NSMCE4A: variants seen among roughly 807,000 people sequenced by gnomAD.
NSMCE4A encodes the protein non-structural maintenance of chromosomes element 4 homolog A.
A neutral mutation model predicts 47.9 loss-of-function variants in NSMCE4A; 40 were observed. The ratio of observed to expected loss-of-function variants is 0.83; its 90% confidence interval spans 0.65 to 1.09. The LOEUF is 1.09. NSMCE4A is among the 50% of genes least tolerant of loss of function. The pLI, the probability that NSMCE4A is intolerant of heterozygous loss-of-function variation, is 0.00. For synonymous variants in NSMCE4A, 166 were observed against 178.5 expected, an observed-to-expected ratio of 0.93 and a Z score of 0.56; for missense variants, 500 against 507.0, an observed-to-expected ratio of 0.99 and a Z score of 0.13.
rs368307657 is a variant in NSMCE4A at position 121,975,205 on chromosome 10, C to A, written c.-40G>T. 70 of 1,348,656 alleles carry A rather than the reference C, an allele frequency of 5.2e-5. 1 individual carries two copies. In the East Asian group the frequency reaches 1.8e-3, roughly 35 times the overall value. The allele number at this position is 1,348,656 out of a possible 1,614,324, so 83.5% of individuals were successfully genotyped here. ...GTGCAACTTCGGAACGGCGGAAGTTCGCGCCAGAAACTGAAACCCCTGCTC... is the reference window on the plus strand; with the variant it reads ...GTGCAACTTCGGAACGGCGGAAGTTAGCGCCAGAAACTGAAACCCCTGCTC... On this transcript the variant is annotated 5_prime_UTR_variant, in exon 1 of 11. Coordinates refer to ENST00000369023, the MANE Select transcript of NSMCE4A (RefSeq NM_017615.3).
At chr10:121,964,651 G>A (rs374605959) in intron 5 of NSMCE4A, among the ~76,000 whole-genome samples, 51 of 148,420 alleles carry the variant, frequency 3.4e-4, no homozygotes, top group Middle Eastern at 8.0e-3. Flanking sequence ...CGTATTGGCC[G>A]GGCTGGTCTC....
At position 121,967,793 on chromosome 10, in the gene NSMCE4A, C is replaced by T. The variant is rs142125826; in HGVS notation, c.515G>A (p.Gly172Asp). 113 of 1,602,974 alleles carry T rather than the reference C, an allele frequency of 7.0e-5. No homozygotes were observed. The African/African-American group carries it at 1.3e-3, about 19-fold the overall frequency. Residue 172 changes from glycine (G) to aspartate (D), a missense_variant, in exon 4 of 11, where the codon GGT becomes GAT. By Grantham distance (94) the Gly-to-Asp change is moderately conservative (BLOSUM62 -1). Coordinates refer to ENST00000369023, the MANE Select transcript of NSMCE4A (RefSeq NM_017615.3). Reference protein sequence around the residue: ...RYVETLLTHMGVNPLEAEELI... With the variant: ...RYVETLLTHMDVNPLEAEELI... Reference sequence around the variant, plus strand: ...TTCTTCAGCTTCTAGCGGATTTACACCCATATGTGTGAGCTACAAAAATGA... The same window carrying T: ...TTCTTCAGCTTCTAGCGGATTTACATCCATATGTGTGAGCTACAAAAATGA...
At chr10:121,972,244 C>T (rs189322730) in intron 2 of NSMCE4A, among the ~76,000 whole-genome samples, 6 of 152,026 alleles carry the variant, frequency 3.9e-5, no homozygotes, top group Non-Finnish European at 8.8e-5. Context: ...ATAGCTTTAA[C>T]CTGGGGGGGG....
intron 3 of NSMCE4A, among the ~76,000 whole-genome samples, chr10:121,968,186 AATATC>A (rs1400349957): frequency 2.0e-5 from 3 of 152,144 alleles, no homozygotes; most frequent in Non-Finnish European, 4.4e-5. Context: ...GAGGCTGTTG[AATATC>A]ATATAATGCA....
At chr10:121,974,614 G>C in intron 1 of NSMCE4A, 1 of 1,057,666 alleles carries the variant, frequency 9.5e-7, no homozygotes. Flanking sequence ...GCTCGGGCGA[G>C]TCCGCGAACG....
Position 121,959,364 on chromosome 10 carries a change from C to A in NSMCE4A, c.1130G>T (p.Ser377Ile). 1 of 1,614,234 alleles carries A rather than the reference C, an allele frequency of 6.2e-7. No homozygotes were observed. The highest frequency in any genetic ancestry group is 8.5e-7 in the Non-Finnish European group (1 of 1,180,052). ...FEISEPVITP[S>I]QRQQKPSA ...AGCACTTGGCTTCTGCTGCCTCTGACTTGGAGTAATCACAGGCTCTGAAAT... is the reference window on the plus strand; with the variant it reads ...AGCACTTGGCTTCTGCTGCCTCTGAATTGGAGTAATCACAGGCTCTGAAAT... The change falls in exon 10 of 11, where the codon AGT (serine) becomes ATT (isoleucine). Residue 377 changes from serine (S) to isoleucine (I), a missense_variant. Coordinates refer to ENST00000369023, the MANE Select transcript of NSMCE4A (RefSeq NM_017615.3).
chr10:121,970,255 G>A (rs1401464664), intron 3 of NSMCE4A, among the ~76,000 whole-genome samples: 1 of 151,710 alleles, frequency 6.6e-6, no homozygotes, highest in South Asian at 2.1e-4. Flanking sequence ...GGCAGATCAC[G>A]AGATCAGGAG....
At chr10:121,969,991 C>G (rs551765871) in intron 3 of NSMCE4A, among the ~76,000 whole-genome samples, 1 of 152,208 alleles carries the variant, frequency 6.6e-6, no homozygotes, top group East Asian at 1.9e-4. Flanking sequence ...GCTGGGATTA[C>G]AGGCGTGAGC....
At position 121,973,296 on chromosome 10, in the gene NSMCE4A, C is replaced by G. The variant is rs571580413; in HGVS notation, c.370+708G>C. Among the ~76,000 whole-genome samples the G allele has an allele frequency of 1.3e-4, 20 of 152,054 alleles. No homozygotes were observed. The South Asian group carries it at 1.9e-3, about 14-fold the overall frequency. ...CATTCTCCCCTATGTTCCCACAGAC[C>G]CGTCAGAGAGGGCTGGAGGGGACAG... On this transcript the variant is annotated intron_variant, in intron 2 of 10. Transcript: ENST00000369023.
At position 121,971,020 on chromosome 10, in the gene NSMCE4A, A is replaced by C. The variant is rs1184686843; in HGVS notation, c.420T>G (p.Ala140=). Residue 140 remains alanine, a synonymous_variant, in exon 3 of 11, where the codon GCT becomes GCG. Coordinates refer to ENST00000369023, the MANE Select transcript of NSMCE4A (RefSeq NM_017615.3). ...AVLDAHFLVL[A]SDLGKEKAKQ... ...TTGCTTTCTCTTTGCCCAAATCTGA[A>C]GCCAAAACAAGAAAGTGGGCATCCA... is the stretch of plus-strand genomic sequence containing the variant. 8 of 1,614,066 alleles carry C rather than the reference A, an allele frequency of 5.0e-6. No individual in the cohort carries two copies. Among genetic ancestry groups the C allele is most frequent in the Non-Finnish European group, 5.9e-6 (7 of 1,179,952 alleles).
intron 3 of NSMCE4A, among the ~76,000 whole-genome samples, chr10:121,968,033 C>T (rs931515497): frequency 6.6e-6 from 1 of 152,130 alleles, no homozygotes; most frequent in African/African-American, 2.4e-5. Flanking sequence ...TACTTAAAAC[C>T]TTTGGGTGAG....
intron 2 of NSMCE4A, 151 bp downstream of exon 2, chr10:121,973,853 A>G (rs934456613): frequency 1.6e-6 from 1 of 608,462 alleles, no homozygotes; most frequent in African/African-American, 1.8e-5. Context: ...TGCATAATAA[A>G]AATGGCATTA....
At position 121,961,463 on chromosome 10, in the gene NSMCE4A, C is replaced by T. The variant is rs757599047; in HGVS notation, c.899G>A (p.Arg300His). The T allele has an allele frequency of 2.9e-5, 45 of 1,577,132 alleles. 1 individual carries two copies. Among genetic ancestry groups the T allele is most frequent in the South Asian group, 1.9e-4 (16 of 84,314 alleles). Residue 300 changes from arginine to histidine, a missense_variant, in exon 7 of 11, where the codon CGT becomes CAT. Transcript: ENST00000369023. Reference sequence around the variant, plus strand: ...AACATGAAAGATGTTTTCCACTGTACGGGGGAAAGAATGAGGATCAACCAC... The same window carrying T: ...AACATGAAAGATGTTTTCCACTGTATGGGGGAAAGAATGAGGATCAACCAC... Reference protein sequence around the residue: ...DFVVDPHSFPRTVENIFHVSF... With the variant: ...DFVVDPHSFPHTVENIFHVSF...
intron 1 of NSMCE4A, chr10:121,974,291 C>G (rs1348145454): frequency 5.1e-6 from 7 of 1,381,722 alleles, no homozygotes; most frequent in Non-Finnish European, 6.6e-6. Context: ...AAAGGAAACC[C>G]TAGCTCCCTC....
intron 5 of NSMCE4A, 57 bp from the exon 6 acceptor site, chr10:121,963,385 TTC>T: frequency 1.0e-6 from 1 of 999,978 alleles, no homozygotes; most frequent in Non-Finnish European, 1.6e-6. Flanking sequence ...TAACGTTTTC[TTC>T]TCTCTTGCAC....
Position 121,959,565 on chromosome 10 carries a change from C to A in NSMCE4A, c.1019G>T (p.Gly340Val). The change falls in exon 9 of 11, where the codon GGA becomes GTA. Residue 340 changes from glycine to valine, a missense_variant. Physicochemically the swap from Gly to Val is moderately radical, Grantham distance 109. Transcript: ENST00000369023. ...TCTAACTTGTGTGTTATGTTCAAAT[C>A]CCTCATTTTCTTCATTAATACTAAC... ...EPVSINEENE[G>V]FEHNTQVRNQ... The A allele has an allele frequency of 1.2e-6, 2 of 1,613,968 alleles. No individual in the cohort carries two copies. The highest frequency in any genetic ancestry group is 1.7e-6 in the Non-Finnish European group (2 of 1,179,870).
intron 4 of NSMCE4A, chr10:121,966,787 G>C (rs149404209): frequency 6.6e-6 from 1 of 152,204 alleles, no homozygotes; most frequent in South Asian, 2.1e-4. Flanking sequence ...GGTCCTCTTA[G>C]AGAAGAGCCA....
At chr10:121,974,605 C>G (rs1007436527) in intron 1 of NSMCE4A, 1 of 1,052,466 alleles carries the variant, frequency 9.5e-7, no homozygotes, top group African/African-American at 1.7e-5. Context: ...GCTGGCTGGG[C>G]TCGGGCGAGT....
rs1202232904 is a variant in NSMCE4A at position 121,960,107 on chromosome 10, T to C, written c.988+251A>G. On this transcript the variant is annotated intron_variant, in intron 8 of 10. Transcript: ENST00000369023. This position sits in a 1 kb window ranked among gnomAD's most constrained non-coding sequence, Gnocchi z 4.2. The stretch of plus-strand genomic sequence containing the variant: ...TGACTGCAATCACCAACTTTCTAAA[T>C]TAAGATCTGAGGGAAATTATATCAT... 5.8e-6 allele frequency: 2 copies of C among 346,970 alleles called. No homozygotes were observed. Among genetic ancestry groups the C allele is most frequent in the Non-Finnish European group, 1.0e-5 (2 of 195,364 alleles). 21.5% of individuals were successfully genotyped at this position (346,970 alleles called of 1,614,324 possible).
Sources: allele counts gnomAD v4.1 joint callset (sites outside exome capture counted in the v4.1 genomes callset), GRCh38; gene constraint gnomAD v4.1.1; non-coding constraint Gnocchi (gnomAD v3.1); transcripts MANE v1.5; gene names NCBI Gene and HGNC (gene_info 2026-07-23, HGNC 2026-07-21).